The following LRTM3 variants were observed in gnomAD, a reference collection of about 807,000 sequenced individuals.
LRTM3 encodes leucine rich repeat transmembrane protein 3.
chr13:102,743,611 T>C, the LRTM3 span: 1 of 1,550,472 alleles, frequency 6.4e-7, no homozygotes, highest in Admixed American at 2.0e-5. Context: ...TGAAGAAATC[T>C]AAAGGACCCA....
chr13:102,750,458 T>A, the LRTM3 span: 2 of 901,262 alleles, frequency 2.2e-6, no homozygotes, highest in African/African-American at 1.7e-5. Context: ...CCTTTAGATT[T>A]AAGAAAATGC....
chr13:102,745,037 T>G, the LRTM3 span: 47,836 of 1,550,866 alleles, frequency 0.031, 1,203 homozygotes, highest in African/African-American at 0.11. Context: ...TGTGCCATTT[T>G]GGGTCTGGAG....
At chr13:102,738,768 A>T in the LRTM3 span, 1 of 1,550,578 alleles carries the variant, frequency 6.4e-7, no homozygotes. Flanking sequence ...GGTAGAAAAG[A>T]GATGGAAGCA....
At chr13:102,742,842 C>T in the LRTM3 span, 1 of 1,550,700 alleles carries the variant, frequency 6.4e-7, no homozygotes, top group East Asian at 2.4e-5. Context: ...TCTTTTAAAA[C>T]AGAATGGCCA....
At chr13:102,748,184 G>C in the LRTM3 span, 1 of 1,551,046 alleles carries the variant, frequency 6.4e-7, no homozygotes, top group Non-Finnish European at 8.7e-7. Context: ...AAATGCATCA[G>C]ACGTTTCTTT....
chr13:102,749,875 T>C, the LRTM3 span: 5 of 1,551,478 alleles, frequency 3.2e-6, no homozygotes, highest in Non-Finnish European at 4.4e-6. Context: ...CTTGAGATCT[T>C]GAGCATTGAT....
the LRTM3 span, chr13:102,741,650 C>T: frequency 2.6e-6 from 4 of 1,550,422 alleles, no homozygotes; most frequent in South Asian, 1.2e-5. Context: ...TTGCTCCTGG[C>T]AAGTCTTCTG....
chr13:102,739,935 T>C, the LRTM3 span: 1 of 1,550,210 alleles, frequency 6.5e-7, no homozygotes, highest in Non-Finnish European at 8.7e-7. Context: ...TCACTGGTAT[T>C]GAGTATATGT....
At chr13:102,739,493 T>TTCTC in the LRTM3 span, 1 of 1,550,376 alleles carries the variant, frequency 6.5e-7, no homozygotes, top group East Asian at 2.4e-5. Context: ...TGAATTTGAA[T>TTCTC]TACTATGTGA....
chr13:102,742,303 A>G, the LRTM3 span: 2 of 1,549,966 alleles, frequency 1.3e-6, no homozygotes, highest in Non-Finnish European at 1.7e-6. Flanking sequence ...TGGTATGCAT[A>G]GTACTTTCCA....
the LRTM3 span, chr13:102,734,903 T>C: frequency 6.4e-7 from 1 of 1,551,104 alleles, no homozygotes. Context: ...CTGTGACACA[T>C]GTTTTCCTTT....
the LRTM3 span, chr13:102,743,287 C>A: frequency 1.9e-6 from 3 of 1,550,468 alleles, no homozygotes; most frequent in East Asian, 4.9e-5. Flanking sequence ...TATGACTTAA[C>A]CCTGATATTC....
the LRTM3 span, chr13:102,748,105 C>T: frequency 1.1e-5 from 17 of 1,551,008 alleles, no homozygotes; most frequent in East Asian, 3.9e-4. Context: ...ATGTGTCTGC[C>T]TTGGCTTTTG....
the LRTM3 span, chr13:102,738,590 A>G: frequency 2.6e-6 from 4 of 1,550,382 alleles, no homozygotes; most frequent in African/African-American, 1.4e-5. Flanking sequence ...TTTTTGCAAT[A>G]TAGATTCTAG....
the LRTM3 span, chr13:102,748,538 T>C: frequency 5.8e-4 from 892 of 1,550,694 alleles, 1 homozygote; most frequent in Non-Finnish European, 7.0e-4. Context: ...TTCTGAACTT[T>C]GTAGGTCCTC....
chr13:102,733,355 T>A, the LRTM3 span: 2 of 1,551,388 alleles, frequency 1.3e-6, no homozygotes, highest in Non-Finnish European at 1.7e-6. Flanking sequence ...CTTTGGCTTA[T>A]CAAATTTACA....
chr13:102,734,472 C>G, the LRTM3 span: 3 of 1,551,304 alleles, frequency 1.9e-6, no homozygotes, highest in Admixed American at 2.0e-5. Context: ...TCCTTTCGTC[C>G]TTGCCCTCCA....
the LRTM3 span, chr13:102,745,290 G>T: frequency 6.5e-6 from 10 of 1,550,128 alleles, no homozygotes; most frequent in South Asian, 1.2e-5. Context: ...TTAATGTCAC[G>T]TGAAGTAATA....
the LRTM3 span, chr13:102,747,553 T>A: frequency 6.4e-7 from 1 of 1,550,916 alleles, no homozygotes; most frequent in Admixed American, 2.0e-5. Context: ...CAGGTAAATA[T>A]CTTTTTACAT....
Sources: allele counts gnomAD v4.1 joint callset, GRCh38; gene constraint gnomAD v4.1.1; transcripts MANE v1.5; gene names NCBI Gene and HGNC (gene_info 2026-07-23, HGNC 2026-07-21).